The following HOXB13 variants were observed in gnomAD, a reference collection of about 807,000 sequenced individuals.
The protein encoded by HOXB13 is homeobox B13.
In HOXB13, 22 loss-of-function variants were observed where a neutral mutation model predicts 23.1. The ratio of observed to expected loss-of-function variants is 0.95; its 90% confidence interval spans 0.68 to 1.36. HOXB13 has a LOEUF of 1.36. Ranked by LOEUF, HOXB13 falls within the 40% of genes most tolerant of loss-of-function variation. The probability of loss-of-function intolerance (pLI) is 0.00; values close to 1 mark genes in which losing one functional copy is unlikely to be tolerated. For missense variants in HOXB13, 386 were observed against 376.2 expected, an observed-to-expected ratio of 1.03 and a Z score of -0.22; for synonymous variants, 173 against 157.9, an observed-to-expected ratio of 1.10 and a Z score of -0.72.
At position 48,726,707 on chromosome 17, in the gene HOXB13, T is replaced by G; in HGVS notation, c.*83A>C. On this transcript the variant is annotated 3_prime_UTR_variant, in exon 2 of 2. Transcript: ENST00000290295. Reference sequence around the variant, plus strand: ...TCTAGGGGCCTCTCAGCAGAGTCCTTGGCCCCAGCCTGGGCTTGGCAGGTT... The same window carrying G: ...TCTAGGGGCCTCTCAGCAGAGTCCTGGGCCCCAGCCTGGGCTTGGCAGGTT... 1 of 1,537,298 alleles carries G rather than the reference T, an allele frequency of 6.5e-7. No individual in the cohort carries two copies. The highest frequency in any genetic ancestry group is 8.8e-7 in the Non-Finnish European group (1 of 1,133,528).
At position 48,728,735 on chromosome 17, in the gene HOXB13, C is replaced by G. The variant is rs575381957; in HGVS notation, c.-142G>C. On this transcript the variant is annotated 5_prime_UTR_variant, in exon 1 of 2. Transcript: ENST00000290295. ...GTCGCCTGCATTCGCTCAGCACGGC[C>G]GTCTTGACGCAAGAGACGCAGGGGC... The G allele has an allele frequency of 4.2e-5, 32 of 760,402 alleles. No homozygotes were observed. The highest frequency in any genetic ancestry group is 5.3e-5 in the Non-Finnish European group (25 of 476,066). The allele number at this position is 760,402 out of a possible 1,614,324, so 47.1% of individuals were successfully genotyped here. A position where few individuals can be genotyped will look rare whatever the true frequency, so the allele number is the denominator to read the frequency against.
At chr17:48,727,079 G>A in intron 1 of HOXB13, 36 bp from the exon 2 acceptor site, 2 of 1,597,730 alleles carry the variant, frequency 1.3e-6, no homozygotes, top group Admixed American at 1.7e-5. Context: ...AAAAGGCATG[G>A]TCAGATACCC....
chr17:48,727,047 C>A lies in HOXB13; in HGVS notation c.602-4G>T, dbSNP rs1214157618. On this transcript the variant is annotated splice_polypyrimidine_tract_variant and splice_region_variant and intron_variant, in intron 1 of 1. Coordinates refer to ENST00000290295, the MANE Select transcript of HOXB13 (RefSeq NM_006361.6). ...GGAGGGTGCTGCCCGCTGGAGTCTG[C>A]GCGGCGTGAAAGGGAGGGAGGAAAA... 4 of 1,604,296 alleles carry A rather than the reference C, an allele frequency of 2.5e-6. No homozygotes were observed. The highest frequency in any genetic ancestry group is 2.2e-5 in the East Asian group (1 of 44,856).
In HOXB13 at chr17:48,728,459, A is replaced by C. The variant is rs1487150238; in HGVS notation, c.135T>G (p.Ala45=). 2 of 1,613,226 alleles carry C rather than the reference A, an allele frequency of 1.2e-6. No homozygotes were observed. ...GCAGATCCAAGGGGGCATAGTTGAC[A>C]GCAGGCATCAGCGTAGGCGCCGCTG... The part of the protein sequence containing the change: ...SHPAAPTLMP[A]VNYAPLDLPG... Residue 45 remains alanine (A), a synonymous_variant, in exon 1 of 2, where the codon GCT becomes GCG. Transcript: ENST00000290295.
At chr17:48,727,513 A>C (rs1454354456) in intron 1 of HOXB13, among the ~76,000 whole-genome samples, 1 of 152,152 alleles carries the variant, frequency 6.6e-6, no homozygotes, top group Non-Finnish European at 1.5e-5. Flanking sequence ...CAGGAAACCT[A>C]AATTTTTCTT....
Position 48,728,436 on chromosome 17 carries a change from A to G in HOXB13, c.158T>C (p.Leu53Pro), listed in dbSNP as rs2143074600. The G allele has an allele frequency of 6.2e-7, 1 of 1,613,384 alleles. No individual in the cohort carries two copies. The highest frequency in any genetic ancestry group is 1.1e-5 in the South Asian group (1 of 91,044). ...MPAVNYAPLD[L>P]PGSAEPPKQC... Reference sequence around the variant, plus strand: ...CTTTGGCGGCTCCGCCGAGCCTGGCAGATCCAAGGGGGCATAGTTGACAGC... The same window carrying G: ...CTTTGGCGGCTCCGCCGAGCCTGGCGGATCCAAGGGGGCATAGTTGACAGC... The change falls in exon 1 of 2, where the codon CTG becomes CCG. Residue 53 changes from leucine (L) to proline (P), a missense_variant. Leu to Pro is a moderately conservative substitution (Grantham distance 98, BLOSUM62 -3). Transcript: ENST00000290295.
chr17:48,728,722 C>G lies in HOXB13; in HGVS notation c.-129G>C. 1 of 852,134 alleles carries G rather than the reference C, an allele frequency of 1.2e-6. No homozygotes were observed. The allele number at this position is 852,134 out of a possible 1,614,324, so 52.8% of individuals were successfully genotyped here. On this transcript the variant is annotated 5_prime_UTR_variant, in exon 1 of 2. Transcript: ENST00000290295. ...TCCCAGCTCGCAAGTCGCCTGCATTCGCTCAGCACGGCCGTCTTGACGCAA... is the reference window on the plus strand; with the variant it reads ...TCCCAGCTCGCAAGTCGCCTGCATTGGCTCAGCACGGCCGTCTTGACGCAA...
Position 48,728,705 on chromosome 17 carries a change from C to G in HOXB13, c.-112G>C. ...AAAGCGTTTTAAATCGCTCCCAGCT[C>G]GCAAGTCGCCTGCATTCGCTCAGCA... On this transcript the variant is annotated 5_prime_UTR_variant, in exon 1 of 2. Transcript: ENST00000290295. 9.7e-7 allele frequency: 1 copy of G among 1,030,316 alleles called. No individual in the cohort carries two copies. The highest frequency in any genetic ancestry group is 1.6e-5 in the South Asian group (1 of 63,096). 63.8% of individuals were successfully genotyped at this position (1,030,316 alleles called of 1,614,324 possible).
At chr17:48,727,099 G>A in intron 1 of HOXB13, 56 bp from the exon 2 acceptor site, 1 of 1,583,366 alleles carries the variant, frequency 6.3e-7, no homozygotes, top group Non-Finnish European at 8.6e-7. Context: ...CACCCATGCA[G>A]ACCCAGGCCT....
At position 48,727,049 on chromosome 17, in the gene HOXB13, C is replaced by A. The variant is rs554306913; in HGVS notation, c.602-6G>T. The A allele has an allele frequency of 1.4e-5, 23 of 1,603,964 alleles. No homozygotes were observed. Among genetic ancestry groups the A allele is most frequent in the South Asian group, 2.2e-5 (2 of 91,044 alleles). The stretch of plus-strand genomic sequence containing the variant: ...AGGGTGCTGCCCGCTGGAGTCTGCG[C>A]GGCGTGAAAGGGAGGGAGGAAAAGG... On this transcript the variant is annotated splice_region_variant and splice_polypyrimidine_tract_variant and intron_variant, in intron 1 of 1. Transcript: ENST00000290295.
Position 48,726,429 on chromosome 17 carries a change from A to G in HOXB13, c.*361T>C, listed in dbSNP as rs1316440926. On this transcript the variant is annotated 3_prime_UTR_variant, in exon 2 of 2. Transcript: ENST00000290295. ...TCCAAATTTATTCATAATTAGCTCA[A>G]TTCATGAAAGCGGTTTCTAAAGTGC... is the stretch of plus-strand genomic sequence containing the variant. 2 of 213,106 alleles carry G rather than the reference A, an allele frequency of 9.4e-6. No homozygotes were observed. Among genetic ancestry groups the G allele is most frequent in the African/African-American group, 2.3e-5 (1 of 43,692 alleles). The allele number at this position is 213,106 out of a possible 1,614,324, so 13.2% of individuals were successfully genotyped here. A position where few individuals can be genotyped will look rare whatever the true frequency, so the allele number is the denominator to read the frequency against.
rs748740551 is a variant in HOXB13 at position 48,728,570 on chromosome 17, G to C, written c.24C>G (p.Thr8=). The part of the protein sequence containing the change: MEPGNYA[T]LDGAKDIEGL... ...CTTCGATATCCTTGGCTCCATCCAA[G>C]GTGGCATAATTGCCGGGCTCCATGG... is the stretch of plus-strand genomic sequence containing the variant. The change falls in exon 1 of 2, where the codon ACC becomes ACG. Residue 8 remains threonine (T), a synonymous_variant. Coordinates refer to ENST00000290295, the MANE Select transcript of HOXB13 (RefSeq NM_006361.6). The C allele has an allele frequency of 6.2e-7, 1 of 1,612,622 alleles. No individual in the cohort carries two copies. The highest frequency in any genetic ancestry group is 8.5e-7 in the Non-Finnish European group (1 of 1,179,960).
At position 48,726,770 on chromosome 17, in the gene HOXB13, C is replaced by T. The variant is rs1597932311; in HGVS notation, c.*20G>A. 1 of 1,610,966 alleles carries T rather than the reference C, an allele frequency of 6.2e-7. No homozygotes were observed. Among genetic ancestry groups the T allele is most frequent in the Admixed American group, 1.7e-5 (1 of 59,946 alleles). On this transcript the variant is annotated 3_prime_UTR_variant, in exon 2 of 2. Coordinates refer to ENST00000290295, the MANE Select transcript of HOXB13 (RefSeq NM_006361.6). ...AGGACACCCCCACTTTCGCTCCTCC[C>T]ACCCAGGCAAGGAGATCTCTTAAGG... is the stretch of plus-strand genomic sequence containing the variant.
rs762994956 is a variant in HOXB13, at chr17:48,728,600, G to T, written c.-7C>A. 3.7e-6 allele frequency: 6 copies of T among 1,611,438 alleles called. No homozygotes were observed. Among genetic ancestry groups the T allele is most frequent in the Non-Finnish European group, 5.1e-6 (6 of 1,179,802 alleles). ...CATAATTGCCGGGCTCCATGGAGCC[G>T]AGGGTCGGCTCATGAGGTGCGGGGG... On this transcript the variant is annotated 5_prime_UTR_variant, in exon 1 of 2. An upstream open reading frame in the 5' UTR gains an earlier in-frame stop. Transcript: ENST00000290295.
Position 48,724,862 on chromosome 17 carries a change from G to C in HOXB13, c.*1928C>G, listed in dbSNP as rs951457319. 10 of 422,878 alleles carry C rather than the reference G, an allele frequency of 2.4e-5. No homozygotes were observed. Among genetic ancestry groups the C allele is most frequent in the Non-Finnish European group, 3.6e-5 (9 of 250,752 alleles). The allele number at this position is 422,878 out of a possible 1,614,324, so 26.2% of individuals were successfully genotyped here. A position where few individuals can be genotyped will look rare whatever the true frequency, so the allele number is the denominator to read the frequency against. On this transcript the variant is annotated 3_prime_UTR_variant, in exon 2 of 2. Transcript: ENST00000290295. ...TGGGAGTTAGAGCATGGGGAGTCCAGAGGTTCCAGACCCCCAAAGGTCTCT... is the reference window on the plus strand; with the variant it reads ...TGGGAGTTAGAGCATGGGGAGTCCACAGGTTCCAGACCCCCAAAGGTCTCT...
chr17:48,727,446 T>C (rs911844539), intron 1 of HOXB13, among the ~76,000 whole-genome samples: 1 of 149,790 alleles, frequency 6.7e-6, no homozygotes, highest in African/African-American at 2.4e-5. Context: ...TACATGCGCA[T>C]ACACACACAC....
chr17:48,727,446 T>TAC (rs35119864), intron 1 of HOXB13, among the ~76,000 whole-genome samples: 43,067 of 149,678 alleles, frequency 0.29, 6,273 homozygotes, highest in East Asian at 0.42. Context: ...TACATGCGCA[T>TAC]ACACACACAC....
At position 48,724,766 on chromosome 17, in the gene HOXB13, TG is replaced by T. The variant is rs2038188490; in HGVS notation, c.*2023del. ...TAAATCTCTAAGATTCCACATCTTT[TG>T]TTTGCTCTGAATTTATTGCGAGTGA... On this transcript the variant is annotated 3_prime_UTR_variant, in exon 2 of 2. Transcript: ENST00000290295. The T allele has an allele frequency of 2.5e-6, 2 of 800,860 alleles. No individual in the cohort carries two copies. The highest frequency in any genetic ancestry group is 3.4e-6 in the Non-Finnish European group (2 of 595,222). 49.6% of individuals were successfully genotyped at this position (800,860 alleles called of 1,614,324 possible). A position where few individuals can be genotyped will look rare whatever the true frequency, so the allele number is the denominator to read the frequency against.
Position 48,726,953 on chromosome 17 carries a change from AGCTCCC to A in HOXB13, c.686_691del (p.Arg229_Glu230del). ...CTTGTTAGCCGCATACTCCCGCTCC[AGCTCCC>A]GCAACTGCCCCTTGCTGTACGGAAT... On this transcript the variant is annotated inframe_deletion, in exon 2 of 2. Transcript: ENST00000290295. The A allele has an allele frequency of 6.2e-7, 1 of 1,613,578 alleles. No homozygotes were observed. Among genetic ancestry groups the A allele is most frequent in the Non-Finnish European group, 8.5e-7 (1 of 1,179,994 alleles).
Sources: allele counts gnomAD v4.1 joint callset (sites outside exome capture counted in the v4.1 genomes callset), GRCh38; gene constraint gnomAD v4.1.1; transcripts MANE v1.5; gene names NCBI Gene and HGNC (gene_info 2026-07-23, HGNC 2026-07-21).